GREB1: variants seen among roughly 807,000 people sequenced by gnomAD.
The protein encoded by GREB1 is growth regulating estrogen receptor binding 1.
GREB1 carries 106 observed loss-of-function variants against 200.7 expected under a neutral mutation model. That is an observed-to-expected ratio of 0.53 (90% CI 0.45 to 0.62). The LOEUF (loss-of-function observed/expected upper bound fraction) is 0.62, where lower values mean the gene tolerates loss of function less well. Ranked by LOEUF, GREB1 falls within the 20% of genes least tolerant of loss-of-function variation. The pLI is 0.00. For missense variants in GREB1, 2,243 were observed against 2,556.8 expected, an observed-to-expected ratio of 0.88 and a Z score of 2.65; for synonymous variants, 1,132 against 1,092.4, an observed-to-expected ratio of 1.04 and a Z score of -0.72.
At chr2:11,590,383 C>G (rs1680611106) in intron 10 of GREB1, among the ~76,000 whole-genome samples, 1 of 152,198 alleles carries the variant, frequency 6.6e-6, no homozygotes, top group Admixed American at 6.5e-5. Flanking sequence ...TCCACCCCTT[C>G]CCGGGGGCCC....
rs1683031109 is a variant in GREB1, at chr2:11,612,587, C to T, written c.3099C>T (p.Asp1033=). ...LPCILIFSGM[D]PHGESLPRSL... ...GCATCCTGATCTTCAGTGGGATGGA[C>T]CCGCATGGGGAGTCCTTGCCGAGGT... The change falls in exon 19 of 33, where the codon GAC becomes GAT. Residue 1033 remains aspartate, a synonymous_variant. Coordinates refer to ENST00000381486, the MANE Select transcript of GREB1 (RefSeq NM_014668.4). The T allele has an allele frequency of 6.2e-7, 1 of 1,611,322 alleles. No individual in the cohort carries two copies. Among genetic ancestry groups the T allele is most frequent in the African/African-American group, 1.3e-5 (1 of 74,970 alleles).
chr2:11,525,680 C>T (rs2148480616), intron 1 of GREB1, among the ~76,000 whole-genome samples: 1 of 152,230 alleles, frequency 6.6e-6, no homozygotes, highest in Admixed American at 6.5e-5. Context: ...GGGTGTAAGA[C>T]ACCACTCTCC....
At chr2:11,623,218 T>C (rs1229564199) in intron 23 of GREB1, among the ~76,000 whole-genome samples, 1 of 152,200 alleles carries the variant, frequency 6.6e-6, no homozygotes, top group Non-Finnish European at 1.5e-5. Context: ...CAAGTGTTTG[T>C]AGCGATTCGG....
At chr2:11,588,108 C>T in intron 9 of GREB1, 1 of 394,892 alleles carries the variant, frequency 2.5e-6, no homozygotes, top group Non-Finnish European at 3.5e-6. Context: ...GCGCACCTGT[C>T]ATCCCAGCTA....
In GREB1 at chr2:11,633,495, C is replaced by T. The variant is rs1237950031; in HGVS notation, c.4991+432C>T. Among the ~76,000 whole-genome samples, 1 of 150,274 alleles carries T rather than the reference C, an allele frequency of 6.7e-6. No homozygotes were observed. The highest frequency in any genetic ancestry group is 1.5e-5 in the Non-Finnish European group (1 of 67,794). Reference sequence around the variant, plus strand: ...AGAAGCATGGCGTGAACCCGGGAGGCGGAGCTTGTAGTAAGTGGAGATGGC... The same window carrying T: ...AGAAGCATGGCGTGAACCCGGGAGGTGGAGCTTGTAGTAAGTGGAGATGGC... On this transcript the variant is annotated intron_variant, in intron 28 of 32. Transcript: ENST00000381486. The surrounding 1 kb of genome is among the most constrained non-coding windows in gnomAD (Gnocchi z 4.1).
chr2:11,592,182 TTTTTC>T, intron 10 of GREB1: 1 of 656,846 alleles, frequency 1.5e-6, no homozygotes, highest in Non-Finnish European at 1.9e-6. Flanking sequence ...CCTACTTTTT[TTTTTC>T]TTTTTTTTTT....
intron 12 of GREB1, 41 bp downstream of exon 12, chr2:11,595,420 A>T: frequency 6.3e-7 from 1 of 1,594,498 alleles, no homozygotes; most frequent in Non-Finnish European, 8.6e-7. Flanking sequence ...GTATGTTAAT[A>T]GGACAGTAAT....
intron 1 of GREB1, among the ~76,000 whole-genome samples, chr2:11,511,953 G>C (rs1165841035): frequency 6.6e-6 from 1 of 151,954 alleles, no homozygotes; most frequent in African/African-American, 2.4e-5. Context: ...TCCTCTGACT[G>C]TTACTTTGCT....
At chr2:11,538,401 C>G (rs1446364396) in intron 1 of GREB1, among the ~76,000 whole-genome samples, 1 of 152,140 alleles carries the variant, frequency 6.6e-6, no homozygotes, top group Non-Finnish European at 1.5e-5. Flanking sequence ...TGACCTTGAA[C>G]CCTCTGGGTC....
At chr2:11,585,692 C>A in intron 8 of GREB1, 70 bp from the exon 9 acceptor site, 1 of 1,564,248 alleles carries the variant, frequency 6.4e-7, no homozygotes, top group Non-Finnish European at 8.8e-7. Context: ...TGCTGGCTGG[C>A]CTGATGTCAG....
intron 18 of GREB1, among the ~76,000 whole-genome samples, chr2:11,611,373 C>T (rs545350693): frequency 6.6e-6 from 1 of 152,260 alleles, no homozygotes; most frequent in East Asian, 1.9e-4. Flanking sequence ...AGTGCGGTGG[C>T]GTGATCACAG....
intron 3 of GREB1, among the ~76,000 whole-genome samples, chr2:11,563,319 A>T (rs1011020292): frequency 2.0e-5 from 3 of 152,216 alleles, no homozygotes; most frequent in Admixed American, 6.5e-5. Flanking sequence ...GAACAGGCAG[A>T]TACACATAAT....
At chr2:11,537,052 T>C (rs1674324832) in intron 1 of GREB1, among the ~76,000 whole-genome samples, 1 of 152,174 alleles carries the variant, frequency 6.6e-6, no homozygotes, top group Non-Finnish European at 1.5e-5. Context: ...AACCTCCTCC[T>C]CCTGGGTTCA....
intron 1 of GREB1, among the ~76,000 whole-genome samples, chr2:11,505,425 C>T (rs1473848224): frequency 6.6e-6 from 1 of 152,214 alleles, no homozygotes; most frequent in East Asian, 1.9e-4. Context: ...GTCCTCTGGA[C>T]AGAGCTAGAG....
In GREB1 at chr2:11,638,655, A is replaced by G. The variant is rs1685574395; in HGVS notation, c.5548-16A>G. The G allele has an allele frequency of 2.5e-6, 4 of 1,609,470 alleles. No individual in the cohort carries two copies. The South Asian group carries it at 4.4e-5, about 18-fold the overall frequency. ...CATAGAAAACGGTGCCCTCTCTTGG[A>G]TTTCTTCTTTTTCAGATTTCTGTTT... On this transcript the variant is annotated splice_polypyrimidine_tract_variant and intron_variant, in intron 31 of 32. Coordinates refer to ENST00000381486, the MANE Select transcript of GREB1 (RefSeq NM_014668.4).
chr2:11,514,977 T>A (rs1431168923), intron 1 of GREB1, among the ~76,000 whole-genome samples: 2 of 152,010 alleles, frequency 1.3e-5, no homozygotes, highest in African/African-American at 4.8e-5. Context: ...CATCCATCCA[T>A]CCATCCATCC....
At chr2:11,589,474 G>A (rs754068520) in intron 10 of GREB1, among the ~76,000 whole-genome samples, 23 of 152,314 alleles carry the variant, frequency 1.5e-4, no homozygotes, top group South Asian at 4.1e-4. Context: ...AGTCGCTGGA[G>A]AGGCCAGCGT....
At chr2:11,500,947 G>C (rs573374586) in intron 1 of GREB1, among the ~76,000 whole-genome samples, 3 of 152,320 alleles carry the variant, frequency 2.0e-5, no homozygotes, top group African/African-American at 2.4e-5. Flanking sequence ...AGAAAGGTTA[G>C]CAGTTCAGGA....
At chr2:11,611,076 G>A (rs2148308992) in intron 18 of GREB1, 49 bp downstream of exon 18, 6 of 1,422,010 alleles carry the variant, frequency 4.2e-6, no homozygotes, top group Non-Finnish European at 5.7e-6. Context: ...GTACCTGGGA[G>A]AGCTGAGGGG....
Sources: allele counts gnomAD v4.1 joint callset (sites outside exome capture counted in the v4.1 genomes callset), GRCh38; gene constraint gnomAD v4.1.1; non-coding constraint Gnocchi (gnomAD v3.1); transcripts MANE v1.5; gene names NCBI Gene and HGNC (gene_info 2026-07-23, HGNC 2026-07-21).